Variants in CDK13 observed in about 807,000 individuals in gnomAD.
CDK13 encodes cyclin-dependent kinase 13.
A neutral mutation model predicts 137.6 loss-of-function variants in CDK13; 40 were observed. The observed-to-expected ratio is 0.29, with a 90% CI of 0.23 to 0.38. The LOEUF is 0.38. Ranked by LOEUF, CDK13 falls within the 10% of genes least tolerant of loss-of-function variation. The pLI is 1.00. For synonymous variants in CDK13, 869 were observed against 760.1 expected (o/e 1.14, Z -2.36); for missense variants, 1,704 against 1,951.8 (o/e 0.87, Z 2.39).
intron 11 of CDK13, among the ~76,000 whole-genome samples, chr7:40,085,161 G>T (rs568273812): frequency 6.6e-6 from 1 of 152,260 alleles, no homozygotes; most frequent in East Asian, 1.9e-4. Context: ...AGGAGTTCAA[G>T]ACCAGCCTGG....
At chr7:39,996,981 A>AAAAAAG (rs1784576018) in intron 2 of CDK13, among the ~76,000 whole-genome samples, 5 of 150,346 alleles carry the variant, frequency 3.3e-5, no homozygotes, top group African/African-American at 1.2e-4. Context: ...AAAAAAGAAA[A>AAAAAAG]AAAAAAAGAA....
intron 5 of CDK13, among the ~76,000 whole-genome samples, chr7:40,043,688 G>A (rs1437182020): frequency 6.6e-6 from 1 of 151,828 alleles, no homozygotes; most frequent in Non-Finnish European, 1.5e-5. Context: ...TTAGCCAGAT[G>A]TGGTGGTGGG....
chr7:40,003,673 G>A (rs1203874530), intron 5 of CDK13, among the ~76,000 whole-genome samples: 1 of 152,152 alleles, frequency 6.6e-6, no homozygotes, highest in Non-Finnish European at 1.5e-5. Context: ...CCAAATCAGT[G>A]TATTTGATTT....
chr7:40,055,667 C>T (rs1786001787), intron 7 of CDK13, among the ~76,000 whole-genome samples: 1 of 151,388 alleles, frequency 6.6e-6, no homozygotes, highest in Admixed American at 6.6e-5. Flanking sequence ...CAACCTCTGC[C>T]TCCTGGGTTC....
At chr7:40,064,239 G>A (rs1263697231) in intron 9 of CDK13, among the ~76,000 whole-genome samples, 1 of 147,714 alleles carries the variant, frequency 6.8e-6, no homozygotes, top group African/African-American at 2.5e-5. Flanking sequence ...AGCCGAGATT[G>A]TGCCACGGCA....
intron 5 of CDK13, among the ~76,000 whole-genome samples, chr7:40,029,463 C>G (rs564483294): frequency 5.6e-4 from 82 of 147,324 alleles, no homozygotes; most frequent in Middle Eastern, 3.9e-3. Context: ...GGCTCACCCC[C>G]GTAATCCCAG....
At chr7:40,038,447 C>T (rs186261792) in intron 5 of CDK13, among the ~76,000 whole-genome samples, 176 of 152,142 alleles carry the variant, frequency 1.2e-3, no homozygotes, top group African/African-American at 4.1e-3. Context: ...ATGCATACAT[C>T]ATTTTGTATT....
intron 1 of CDK13, among the ~76,000 whole-genome samples, chr7:39,965,916 T>C (rs1023093186): frequency 1.3e-5 from 2 of 152,204 alleles, no homozygotes; most frequent in African/African-American, 4.8e-5. Context: ...GGTTGAAAAT[T>C]CTTTTCTTTA....
intron 5 of CDK13, among the ~76,000 whole-genome samples, chr7:40,029,467 A>G (rs994338750): frequency 2.1e-4 from 32 of 151,828 alleles, no homozygotes; most frequent in Non-Finnish European, 2.5e-4. Flanking sequence ...CACCCCCGTA[A>G]TCCCAGCACT....
At chr7:40,083,057 C>T (rs902579080) in intron 11 of CDK13, among the ~76,000 whole-genome samples, 4 of 149,124 alleles carry the variant, frequency 2.7e-5, no homozygotes, top group African/African-American at 5.0e-5. Context: ...GAGCCGAGAT[C>T]GCGCCACTGC....
intron 1 of CDK13, among the ~76,000 whole-genome samples, chr7:39,982,604 A>G (rs1483968458): frequency 2.6e-5 from 4 of 152,150 alleles, no homozygotes; most frequent in Non-Finnish European, 5.9e-5. Flanking sequence ...GACTTCCACA[A>G]TGGTTGAACT....
intron 7 of CDK13, among the ~76,000 whole-genome samples, chr7:40,057,089 T>C (rs1786036086): frequency 6.6e-6 from 1 of 152,176 alleles, no homozygotes; most frequent in South Asian, 2.1e-4. Context: ...ACCGCATCTC[T>C]ACTAAAACTA....
intron 1 of CDK13, among the ~76,000 whole-genome samples, chr7:39,957,216 T>C (rs1787435461): frequency 6.6e-6 from 1 of 152,040 alleles, no homozygotes; most frequent in African/African-American, 2.4e-5. Flanking sequence ...TCCCAAAGTG[T>C]TGGGATTACA....
At chr7:40,002,862 C>T (rs374164434) in intron 5 of CDK13, among the ~76,000 whole-genome samples, 6 of 122,730 alleles carry the variant, frequency 4.9e-5, no homozygotes, top group African/African-American at 1.2e-4. Context: ...CCCAGGAGCT[C>T]AAGACCAGCC....
At chr7:39,995,328 A>G (rs1784538187) in intron 2 of CDK13, among the ~76,000 whole-genome samples, 1 of 152,186 alleles carries the variant, frequency 6.6e-6, no homozygotes, top group South Asian at 2.1e-4. Flanking sequence ...GTTGATTTGA[A>G]TCTTCAAATA....
chr7:40,046,107 C>A, intron 6 of CDK13, 82 bp downstream of exon 6: 1 of 904,086 alleles, frequency 1.1e-6, no homozygotes, highest in Non-Finnish European at 1.7e-6. Context: ...GAAACCGTAG[C>A]GGCGGGGAAT....
Position 39,951,848 on chromosome 7 carries a change from C to A in CDK13, c.1207C>A (p.Leu403Ile). 1.4e-6 allele frequency: 2 copies of A among 1,392,884 alleles called. No individual in the cohort carries two copies. Among genetic ancestry groups the A allele is most frequent in the South Asian group, 3.5e-5 (2 of 57,218 alleles). 86.3% of individuals were successfully genotyped at this position (1,392,884 alleles called of 1,614,324 possible). A position where few individuals can be genotyped will look rare whatever the true frequency, so the allele number is the denominator to read the frequency against. The change falls in exon 1 of 14, where the codon CTC becomes ATC. Residue 403 changes from leucine to isoleucine, a missense_variant. Around this residue, in one of 5 missense-constraint regions of CDK13, gnomAD observed 1,051 missense variants for 931.0 expected, o/e 1.13. Coordinates refer to ENST00000181839, the MANE Select transcript of CDK13 (RefSeq NM_003718.5). ...CTCTCGCAGTCCCTACAGCCCTGTG[C>A]TCAGGTGAGTTCTGCCGTTCTGCCT... ...RRSRSPYSPVLRRSGKSRSRS... is the reference protein window; with the variant it reads ...RRSRSPYSPVIRRSGKSRSRS...
At chr7:39,999,574 G>T in intron 4 of CDK13, 74 bp downstream of exon 4, 2 of 1,409,178 alleles carry the variant, frequency 1.4e-6, no homozygotes, top group East Asian at 2.4e-5. Context: ...CTGATGTTTG[G>T]CTTCAGAAAT....
intron 12 of CDK13, among the ~76,000 whole-genome samples, chr7:40,090,765 C>G (rs762566592): frequency 6.6e-6 from 1 of 152,080 alleles, no homozygotes; most frequent in Admixed American, 6.6e-5. Context: ...CAGTTACTTG[C>G]GGGGCTGAAG....
Sources: allele counts gnomAD v4.1 joint callset (sites outside exome capture counted in the v4.1 genomes callset), GRCh38; gene constraint gnomAD v4.1.1; regional missense constraint gnomAD v4.1.1; transcripts MANE v1.5; gene names NCBI Gene and HGNC (gene_info 2026-07-23, HGNC 2026-07-21).